Variants in CAMTA1 observed in about 807,000 individuals in gnomAD.
The protein encoded by CAMTA1 is calmodulin-binding transcription activator 1.
A neutral mutation model predicts 170.9 loss-of-function variants in CAMTA1; 27 were observed. That is an observed-to-expected ratio of 0.16 (90% CI 0.12 to 0.22). The LOEUF (loss-of-function observed/expected upper bound fraction) is 0.22. Ranked by LOEUF, CAMTA1 falls within the 10% of genes least tolerant of loss-of-function variation. The probability of loss-of-function intolerance (pLI) is 1.00; values close to 1 mark genes in which losing one functional copy is unlikely to be tolerated. For synonymous variants in CAMTA1, 833 were observed against 891.5 expected (o/e 0.93, Z 1.17); for missense variants, 1,619 against 2,217.2 (o/e 0.73, Z 5.42).
At chr1:7,690,477 C>A (rs2096298356) in intron 11 of CAMTA1, among the ~76,000 whole-genome samples, 1 of 152,240 alleles carries the variant, frequency 6.6e-6, no homozygotes, top group African/African-American at 2.4e-5. Flanking sequence ...CAGCCCCACA[C>A]CCCATTTGGT....
intron 3 of CAMTA1, among the ~76,000 whole-genome samples, chr1:6,983,348 G>A (rs1325961030): frequency 3.9e-5 from 6 of 152,112 alleles, no homozygotes; most frequent in African/African-American, 7.2e-5. Context: ...TATACTGGCT[G>A]CCTTTCAGCT....
In CAMTA1 at chr1:7,738,581, G is replaced by C; in HGVS notation, c.4182+99G>C. On this transcript the variant is annotated intron_variant, in intron 16 of 22. Transcript: ENST00000303635. This position sits in a 1 kb window ranked among gnomAD's most constrained non-coding sequence, Gnocchi z 4.9. Reference sequence around the variant, plus strand: ...CGAAGGTTGTGTCATTTTCCTCCCCGTGAAGCCTTCGAAGTTGGCTTTGTG... The same window carrying C: ...CGAAGGTTGTGTCATTTTCCTCCCCCTGAAGCCTTCGAAGTTGGCTTTGTG... 7.4e-7 allele frequency: 1 copy of C among 1,354,088 alleles called. No individual in the cohort carries two copies. Among genetic ancestry groups the C allele is most frequent in the Non-Finnish European group, 1.0e-6 (1 of 1,004,884 alleles). 83.9% of individuals were successfully genotyped at this position (1,354,088 alleles called of 1,614,324 possible). A position where few individuals can be genotyped will look rare whatever the true frequency, so the allele number is the denominator to read the frequency against.
intron 11 of CAMTA1, among the ~76,000 whole-genome samples, chr1:7,702,153 G>A (rs1458173934): frequency 6.6e-6 from 1 of 151,918 alleles, no homozygotes; most frequent in Non-Finnish European, 1.5e-5. Flanking sequence ...CCAGGCTCCT[G>A]ACCCCAACCC....
At chr1:7,236,264 A>G (rs1663834576) in intron 4 of CAMTA1, among the ~76,000 whole-genome samples, 1 of 152,216 alleles carries the variant, frequency 6.6e-6, no homozygotes, top group South Asian at 2.1e-4. Flanking sequence ...TGTGCAAGGC[A>G]TCAATTACTG....
At chr1:6,967,801 C>T (rs945683414) in intron 3 of CAMTA1, among the ~76,000 whole-genome samples, 1 of 152,164 alleles carries the variant, frequency 6.6e-6, no homozygotes, top group Non-Finnish European at 1.5e-5. Context: ...CTGCCTGGCT[C>T]AGATTTAGGG....
intron 4 of CAMTA1, among the ~76,000 whole-genome samples, chr1:7,208,427 T>G (rs1372182418): frequency 6.6e-6 from 1 of 152,232 alleles, no homozygotes; most frequent in Admixed American, 6.5e-5. Flanking sequence ...TTATTGGGCA[T>G]CTGAGATGCT....
At position 7,680,716 on chromosome 1, in the gene CAMTA1, C is replaced by G. The variant is rs2096185472; in HGVS notation, c.2914+2983C>G. ...ATGTGGGATGCGCCCTTTGTCCCCTCTGCCATGCGCGGGGGAAAATGTTTG... is the reference window on the plus strand; with the variant it reads ...ATGTGGGATGCGCCCTTTGTCCCCTGTGCCATGCGCGGGGGAAAATGTTTG... On this transcript the variant is annotated intron_variant, in intron 11 of 22. Transcript: ENST00000303635. The surrounding 1 kb of genome is among the most constrained non-coding windows in gnomAD (Gnocchi z 4.4). Among the ~76,000 whole-genome samples the G allele has an allele frequency of 6.6e-6, 1 of 151,946 alleles. No homozygotes were observed. Among genetic ancestry groups the G allele is most frequent in the Admixed American group, 6.5e-5 (1 of 15,282 alleles).
chr1:7,439,637 CAGCCTCCA>C, intron 5 of CAMTA1, among the ~76,000 whole-genome samples: 1 of 152,200 alleles, frequency 6.6e-6, no homozygotes, highest in Non-Finnish European at 1.5e-5. Flanking sequence ...TCCTGGGATC[CAGCCTCCA>C]GAGTGCAGGC....
chr1:6,811,621 A>T (rs750899780), intron 1 of CAMTA1, among the ~76,000 whole-genome samples: 12 of 152,192 alleles, frequency 7.9e-5, no homozygotes, highest in Non-Finnish European at 4.4e-5. Context: ...AATGAAGCAT[A>T]TTAGAGCTGT....
chr1:7,668,616 C>G (rs1053778898), intron 9 of CAMTA1, among the ~76,000 whole-genome samples: 2 of 152,100 alleles, frequency 1.3e-5, no homozygotes, highest in African/African-American at 2.4e-5. Flanking sequence ...GAAGAGCCTG[C>G]AATTACAGCC....
chr1:7,489,962 G>A (rs1266151451), intron 6 of CAMTA1, among the ~76,000 whole-genome samples: 1 of 152,192 alleles, frequency 6.6e-6, no homozygotes, highest in Non-Finnish European at 1.5e-5. Flanking sequence ...GTTACGGGAG[G>A]GCACTTGGAT....
In CAMTA1 at chr1:7,225,420, G is replaced by A. The variant is rs550218327; in HGVS notation, c.303-24071G>A. The stretch of plus-strand genomic sequence containing the variant: ...TTTATTACCCAGAAAGACCTCTACT[G>A]TCACCCTTTCCCTCCCCACCAACAA... On this transcript the variant is annotated intron_variant, in intron 4 of 22. Coordinates refer to ENST00000303635, the MANE Select transcript of CAMTA1 (RefSeq NM_015215.4). Among the ~76,000 whole-genome samples, 9 of 152,292 alleles carry A rather than the reference G, an allele frequency of 5.9e-5. No individual in the cohort carries two copies. The East Asian group carries it at 1.7e-3, about 29-fold the overall frequency.
At chr1:7,077,017 C>T (rs1440937192) in intron 3 of CAMTA1, among the ~76,000 whole-genome samples, 1 of 152,196 alleles carries the variant, frequency 6.6e-6, no homozygotes, top group Admixed American at 6.5e-5. Context: ...GAAATTCAAA[C>T]ACTATTGAAA....
chr1:7,421,155 CTT>C (rs751377531), intron 5 of CAMTA1, among the ~76,000 whole-genome samples: 38 of 144,162 alleles, frequency 2.6e-4, no homozygotes, highest in East Asian at 2.0e-4. Flanking sequence ...TTCTTTCTTT[CTT>C]TTTTTTTTTT....
intron 3 of CAMTA1, among the ~76,000 whole-genome samples, chr1:7,028,538 T>C (rs1236250304): frequency 6.6e-6 from 1 of 152,186 alleles, no homozygotes; most frequent in Non-Finnish European, 1.5e-5. Context: ...CTTGCTGCCG[T>C]CCATGAATCC....
intron 3 of CAMTA1, among the ~76,000 whole-genome samples, chr1:6,963,651 C>G (rs1690963042): frequency 6.6e-6 from 1 of 152,180 alleles, no homozygotes; most frequent in Non-Finnish European, 1.5e-5. Flanking sequence ...CGCCTCAACC[C>G]GCCTGCACCT....
rs1214892645 is a variant in CAMTA1 at position 7,493,065 on chromosome 1, A to G, written c.510+25164A>G. 7.3e-5 allele frequency among the ~76,000 whole-genome samples: 8 copies of G among 110,052 alleles called. 1 individual carries two copies. Among genetic ancestry groups the G allele is most frequent in the Admixed American group, 2.6e-4 (3 of 11,502 alleles). The allele number at this position is 110,052 out of a possible 152,430, so 72.2% of individuals were successfully genotyped here. On this transcript the variant is annotated intron_variant, in intron 6 of 22. Transcript: ENST00000303635. Reference sequence around the variant, plus strand: ...CACAAACCTACATACACACGCGCGCACACACACAGACATACAAACGTGAGC... The same window carrying G: ...CACAAACCTACATACACACGCGCGCGCACACACAGACATACAAACGTGAGC...
intron 3 of CAMTA1, among the ~76,000 whole-genome samples, chr1:7,059,735 T>A (rs1707919314): frequency 6.6e-6 from 1 of 152,224 alleles, no homozygotes; most frequent in Non-Finnish European, 1.5e-5. Context: ...AACTTTGTAC[T>A]ATTTATGCCT....
intron 5 of CAMTA1, among the ~76,000 whole-genome samples, chr1:7,362,307 A>G (rs1452962083): frequency 6.6e-6 from 1 of 150,692 alleles, no homozygotes. Context: ...AGAGTTAGTG[A>G]ACTTGGGTAG....
Sources: gnomAD v4.1 joint callset for allele counts (sites outside exome capture counted in the v4.1 genomes callset) on GRCh38, gnomAD v4.1.1 for gene constraint, Gnocchi (gnomAD v3.1) non-coding constraint, MANE v1.5 for transcripts, NCBI Gene and HGNC (gene_info 2026-07-23, HGNC 2026-07-21) for gene names.